The following PDHB variants were observed in gnomAD, a reference collection of about 807,000 sequenced individuals.
The protein encoded by PDHB is pyruvate dehydrogenase E1 subunit beta.
In PDHB, 17 loss-of-function variants were observed where a neutral mutation model predicts 42.8. The observed-to-expected ratio is 0.40, with a 90% CI of 0.27 to 0.60. The LOEUF (loss-of-function observed/expected upper bound fraction) is 0.60, where lower values mean the gene tolerates loss of function less well. Ranked by LOEUF, PDHB falls within the 20% of genes least tolerant of loss-of-function variation. The pLI, the probability that PDHB is intolerant of heterozygous loss-of-function variation, is 0.46. For synonymous variants in PDHB, 154 were observed against 148.7 expected, an observed-to-expected ratio of 1.04 and a Z score of -0.26; for missense variants, 322 against 451.3, an observed-to-expected ratio of 0.71 and a Z score of 2.60.
At chr3:58,429,937 C>G (rs2062906084) in intron 7 of PDHB, 138 bp from the exon 8 acceptor site, 2 of 742,852 alleles carry the variant, frequency 2.7e-6, no homozygotes, top group South Asian at 1.5e-5. Flanking sequence ...AATGTGGCAG[C>G]CTTCCTAGAA....
intron 2 of PDHB, 44 bp downstream of exon 2, chr3:58,433,587 G>T (rs746733180): frequency 6.3e-7 from 1 of 1,577,438 alleles, no homozygotes; most frequent in Non-Finnish European, 8.6e-7. Context: ...GAGAGAAGGG[G>T]GGACCCTCCC....
intron 7 of PDHB, 123 bp from the exon 8 acceptor site, chr3:58,429,922 T>G: frequency 1.3e-6 from 1 of 758,012 alleles, no homozygotes. Context: ...TCCAGTGAGC[T>G]GAGGAATGTG....
At chr3:58,430,076 A>G in intron 7 of PDHB, 52 bp downstream of exon 7, 2 of 1,151,248 alleles carry the variant, frequency 1.7e-6, no homozygotes, top group Non-Finnish European at 2.6e-6. Context: ...AAATTTTACC[A>G]AAATTGAGGG....
At chr3:58,429,222 CG>C (rs1254771747) in intron 8 of PDHB, among the ~76,000 whole-genome samples, 4 of 152,176 alleles carry the variant, frequency 2.6e-5, no homozygotes, top group Non-Finnish European at 5.9e-5. Context: ...AGCCCTATGA[CG>C]GGACAGTATT....
At position 58,433,641 on chromosome 3, in the gene PDHB, G is replaced by A. The variant is rs780733289; in HGVS notation, c.86C>T (p.Ala29Val). The change falls in exon 2 of 10, where the codon GCT (alanine) becomes GTT (valine). Residue 29 changes from alanine to valine, a missense_variant. Around this residue, in one of 3 missense-constraint regions of PDHB, gnomAD observed 58 missense variants for 42.1 expected, o/e 1.38. Transcript: ENST00000302746. ...ACCCGCGCCTGTTACCTGCAGCGCA[G>A]CCGGCGCGGTCCAGTGAAAGCGCCT... ...LKRRFHWTAP[A>V]ALQVTVRDAI... 13 of 1,611,364 alleles carry A rather than the reference G, an allele frequency of 8.1e-6. No individual in the cohort carries two copies. In the South Asian group the frequency reaches 1.4e-4, roughly 18 times the overall value.
intron 2 of PDHB, 43 bp from the exon 3 acceptor site, chr3:58,432,027 G>A (rs2062924957): frequency 1.5e-6 from 2 of 1,361,460 alleles, no homozygotes; most frequent in African/African-American, 2.9e-5. Flanking sequence ...AATTGTTTGG[G>A]ATTCAACTAA....
intron 2 of PDHB, 134 bp from the exon 3 acceptor site, chr3:58,432,118 C>CA (rs2062925748): frequency 7.0e-6 from 5 of 709,338 alleles, no homozygotes; most frequent in East Asian, 5.4e-5. Flanking sequence ...TCTAAAAACT[C>CA]AAAGAATTCT....
In PDHB at chr3:58,430,808, C is replaced by T. The variant is rs1126551; in HGVS notation, c.438G>A (p.Gly146=). ...GLQPVPIVFR[G]PNGASAGVAA... is the part of the protein sequence containing the mutation. ...CTACACCTGCTGAGGCACCATTGGG[C>T]CCTCTGAAGACTATAGGCACAGGCT... Residue 146 remains glycine, a synonymous_variant, in exon 6 of 10, where the codon GGG becomes GGA. Coordinates refer to ENST00000302746, the MANE Select transcript of PDHB (RefSeq NM_000925.4). 0.34 allele frequency: 543,402 copies of T among 1,613,494 alleles called. 97,658 individuals carry two copies. The highest frequency in any genetic ancestry group is 0.4 in the Middle Eastern group (2,434 of 6,058).
chr3:58,430,366 C>T (rs1193447460), intron 6 of PDHB, 128 bp from the exon 7 acceptor site: 1 of 715,878 alleles, frequency 1.4e-6, no homozygotes, highest in African/African-American at 1.8e-5. Context: ...TCTACCATGA[C>T]CAGCAGCCTT....
At chr3:58,428,893 TG>T in intron 8 of PDHB, 1 of 420,990 alleles carries the variant, frequency 2.4e-6, no homozygotes, top group South Asian at 2.4e-5. Context: ...TTGCTCTTGT[TG>T]TCCAGGCTGG....
chr3:58,433,455 G>T (rs1306726506), intron 2 of PDHB, 176 bp downstream of exon 2: 2 of 675,120 alleles, frequency 3.0e-6, no homozygotes, highest in South Asian at 3.4e-5. Flanking sequence ...TGACTCGCCG[G>T]TGTGCTAATT....
At position 58,430,749 on chromosome 3, in the gene PDHB, T is replaced by C. The variant is rs1277316448; in HGVS notation, c.497A>G (p.Tyr166Cys). The change falls in exon 6 of 10, where the codon TAT becomes TGT. Residue 166 changes from tyrosine (Y) to cysteine (C), a missense_variant. Physicochemically the swap from Tyr to Cys is radical, Grantham distance 194. This residue lies in a region of PDHB where 208 missense variants were observed against 285.0 expected (regional missense o/e 0.73). Coordinates refer to ENST00000302746, the MANE Select transcript of PDHB (RefSeq NM_000925.4). ...AQHSQCFAAW[Y>C]GHCPGLKVVS... ...CACCTTTAAGCCTGGGCAGTGCCCA[T>C]ACCAGGCAGCAAAGCACTGTGAGTG... 6.2e-7 allele frequency: 1 copy of C among 1,613,786 alleles called. No homozygotes were observed. The highest frequency in any genetic ancestry group is 1.1e-5 in the South Asian group (1 of 91,074).
chr3:58,433,597 C>G lies in PDHB; in HGVS notation c.96+34G>C, dbSNP rs563648869. 19 of 1,593,060 alleles carry G rather than the reference C, an allele frequency of 1.2e-5. No individual in the cohort carries two copies. In the African/African-American group the frequency reaches 1.5e-4, roughly 12 times the overall value. On this transcript the variant is annotated intron_variant, in intron 2 of 9. Coordinates refer to ENST00000302746, the MANE Select transcript of PDHB (RefSeq NM_000925.4). ...TTCCCGAGAGAAGGGGGGACCCTCC[C>G]CGCCCTCGTCCGACGAGCACCCGCG...
intron 9 of PDHB, 89 bp downstream of exon 9, chr3:58,428,384 A>C (rs1410233531): frequency 1.4e-6 from 2 of 1,461,270 alleles, no homozygotes; most frequent in Non-Finnish European, 1.9e-6. Context: ...GGCCACTCCT[A>C]GCTTTCAATC....
At position 58,428,557 on chromosome 3, in the gene PDHB, T is replaced by G; in HGVS notation, c.850A>C (p.Met284Leu). The G allele has an allele frequency of 6.2e-7, 1 of 1,613,792 alleles. No individual in the cohort carries two copies. Among genetic ancestry groups the G allele is most frequent in the South Asian group, 1.1e-5 (1 of 91,074 alleles). The change falls in exon 9 of 10, where the codon ATG becomes CTG. Residue 284 changes from methionine to leucine, a missense_variant. Physicochemically the swap from Met to Leu is conservative, Grantham distance 15 (BLOSUM62 2). This residue lies in a region of PDHB where 208 missense variants were observed against 285.0 expected (regional missense o/e 0.73). Coordinates refer to ENST00000302746, the MANE Select transcript of PDHB (RefSeq NM_000925.4). ...ACAGTTACAAGATGATTTGTCTTCATGACACTGGCTTCTATGGTTTCCATG... is the reference window on the plus strand; with the variant it reads ...ACAGTTACAAGATGATTTGTCTTCAGGACACTGGCTTCTATGGTTTCCATG... ...MDMETIEASVMKTNHLVTVEG... is the reference protein window; with the variant it reads ...MDMETIEASVLKTNHLVTVEG...
At chr3:58,428,325 C>A in intron 9 of PDHB, 146 bp from the exon 10 acceptor site, 1 of 1,214,170 alleles carries the variant, frequency 8.2e-7, no homozygotes, top group Non-Finnish European at 1.2e-6. Flanking sequence ...TTAAAAATAT[C>A]TGCCTGAAGA....
At position 58,431,512 on chromosome 3, in the gene PDHB, C is replaced by G. The variant is rs1413991945; in HGVS notation, c.303+81G>C. 5.3e-6 allele frequency: 6 copies of G among 1,131,150 alleles called. No individual in the cohort carries two copies. The East Asian group carries it at 7.0e-5, about 13-fold the overall frequency. The allele number at this position is 1,131,150 out of a possible 1,614,324, so 70.1% of individuals were successfully genotyped here. A position where few individuals can be genotyped will look rare whatever the true frequency, so the allele number is the denominator to read the frequency against. On this transcript the variant is annotated intron_variant, in intron 5 of 9. Transcript: ENST00000302746. This position sits in a 1 kb window ranked among gnomAD's most constrained non-coding sequence, Gnocchi z 4.4. ...TGCCAGTGCACTCCAGGCTGGACAACAGAGTGAGACTCTGTCTCAAAAGAA... is the reference window on the plus strand; with the variant it reads ...TGCCAGTGCACTCCAGGCTGGACAAGAGAGTGAGACTCTGTCTCAAAAGAA...
chr3:58,429,825 G>C, intron 7 of PDHB, 26 bp from the exon 8 acceptor site: 2 of 1,390,088 alleles, frequency 1.4e-6, no homozygotes, highest in Non-Finnish European at 1.0e-6. Context: ...TCACAGATCA[G>C]AGATCAGGTT....
chr3:58,428,039 T>C lies in PDHB; in HGVS notation c.1075A>G (p.Ile359Val). ...ACTTGATATTCAAGTCCAAACTAAATATTTAATGTTTTCTTTATTGCAAAT... is the reference window on the plus strand; with the variant it reads ...ACTTGATATTCAAGTCCAAACTAAACATTTAATGTTTTCTTTATTGCAAAT... ...IIFAIKKTLN[I>V] Residue 359 changes from isoleucine (I) to valine (V), a missense_variant, in exon 10 of 10, where the codon ATT becomes GTT. By Grantham distance (29) the Ile-to-Val change is conservative. Coordinates refer to ENST00000302746, the MANE Select transcript of PDHB (RefSeq NM_000925.4). 3 of 1,604,304 alleles carry C rather than the reference T, an allele frequency of 1.9e-6. No individual in the cohort carries two copies. The highest frequency in any genetic ancestry group is 2.6e-6 in the Non-Finnish European group (3 of 1,171,088).
Sources: allele counts gnomAD v4.1 joint callset (sites outside exome capture counted in the v4.1 genomes callset), GRCh38; gene constraint gnomAD v4.1.1; regional missense constraint gnomAD v4.1.1; non-coding constraint Gnocchi (gnomAD v3.1); transcripts MANE v1.5; gene names NCBI Gene and HGNC (gene_info 2026-07-23, HGNC 2026-07-21).